Variants in SLC35F1 observed in about 807,000 individuals in gnomAD.
SLC35F1 encodes chromosome 6 open reading frame 169.
SLC35F1 carries 14 observed loss-of-function variants against 48.7 expected under a neutral mutation model. That is an observed-to-expected ratio of 0.29 (90% confidence interval 0.19 to 0.45). SLC35F1 has a LOEUF of 0.45. Ranked by LOEUF, SLC35F1 falls within the 20% of genes least tolerant of loss-of-function variation. SLC35F1 has a pLI of 1.00. For synonymous variants in SLC35F1, 190 were observed against 202.2 expected (o/e 0.94, Z 0.51); for missense variants, 404 against 500.0 (o/e 0.81, Z 1.83).
At chr6:118,001,036 A>G (rs2114867259) in intron 1 of SLC35F1, among the ~76,000 whole-genome samples, 2 of 152,206 alleles carry the variant, frequency 1.3e-5, no homozygotes, top group South Asian at 4.1e-4. Context: ...AAGGTAATTT[A>G]TAGATTCAAT....
chr6:118,218,332 C>G (rs1157803033), intron 2 of SLC35F1, among the ~76,000 whole-genome samples: 1 of 152,148 alleles, frequency 6.6e-6, no homozygotes, highest in East Asian at 1.9e-4. Flanking sequence ...AACCTTCAGG[C>G]ACCCTTCAGA....
At chr6:118,014,924 A>G (rs1009920002) in intron 1 of SLC35F1, among the ~76,000 whole-genome samples, 4 of 152,108 alleles carry the variant, frequency 2.6e-5, no homozygotes, top group Admixed American at 1.3e-4. Context: ...TCCCCACCCA[A>G]ATCTCATCTT....
At chr6:118,125,213 A>G (rs1773606258) in intron 1 of SLC35F1, among the ~76,000 whole-genome samples, 1 of 152,224 alleles carries the variant, frequency 6.6e-6, no homozygotes, top group African/African-American at 2.4e-5. Flanking sequence ...TTTTGCTTTC[A>G]GACTACTGAT....
intron 1 of SLC35F1, among the ~76,000 whole-genome samples, chr6:118,036,975 A>T (rs1384159906): frequency 6.6e-6 from 1 of 151,568 alleles, no homozygotes; most frequent in Non-Finnish European, 1.5e-5. Context: ...TTTGTAACAT[A>T]TATATTTGAG....
intron 1 of SLC35F1, among the ~76,000 whole-genome samples, chr6:118,036,161 C>A (rs1772129055): frequency 6.6e-6 from 1 of 152,050 alleles, no homozygotes; most frequent in Non-Finnish European, 1.5e-5. Flanking sequence ...TTACCTAATA[C>A]ATGTACATAA....
Position 117,949,029 on chromosome 6 carries a change from C to G in SLC35F1, c.173+41130C>G, listed in dbSNP as rs60966687. Among the ~76,000 whole-genome samples the G allele has an allele frequency of 4.4e-3, 665 of 152,190 alleles. 3 individuals carry two copies. Among genetic ancestry groups the G allele is most frequent in the African/African-American group, 0.016 (644 of 41,524 alleles). ...GGATCATGAAGGCCATTTTATGCCC[C>G]AAGCGGGGTGCTATTCATAATGCTT... is the stretch of plus-strand genomic sequence containing the variant. On this transcript the variant is annotated intron_variant, in intron 1 of 7. Transcript: ENST00000360388.
intron 1 of SLC35F1, among the ~76,000 whole-genome samples, chr6:118,118,162 CA>C (rs1328978994): frequency 2.0e-5 from 3 of 152,108 alleles, no homozygotes; most frequent in Non-Finnish European, 4.4e-5. Context: ...TCCTAAGTGT[CA>C]ATACCATCTT....
chr6:118,100,107 A>T (rs1313297535), intron 1 of SLC35F1, among the ~76,000 whole-genome samples: 1 of 152,178 alleles, frequency 6.6e-6, no homozygotes, highest in Non-Finnish European at 1.5e-5. Flanking sequence ...TGAAGCATAG[A>T]GAGTTTGAAT....
At chr6:118,205,127 C>T (rs1457261794) in intron 2 of SLC35F1, among the ~76,000 whole-genome samples, 4 of 152,174 alleles carry the variant, frequency 2.6e-5, no homozygotes, top group African/African-American at 4.8e-5. Flanking sequence ...CCCCATCCTC[C>T]GTCAAGTCAA....
At chr6:117,999,343 CA>C in intron 1 of SLC35F1, 2 of 1,591,086 alleles carry the variant, frequency 1.3e-6, no homozygotes, top group Non-Finnish European at 1.7e-6. Context: ...GGCCAAAGGC[CA>C]AGGCCAAGGC....
chr6:118,058,928 T>C (rs909803630), intron 1 of SLC35F1, among the ~76,000 whole-genome samples: 3 of 152,212 alleles, frequency 2.0e-5, no homozygotes, highest in Admixed American at 6.5e-5. Flanking sequence ...CTGAAATTTT[T>C]TGTGGGGCTT....
intron 7 of SLC35F1, among the ~76,000 whole-genome samples, chr6:118,297,999 G>GA (rs1776212945): frequency 6.6e-6 from 1 of 151,744 alleles, no homozygotes; most frequent in South Asian, 2.1e-4. Flanking sequence ...TTGTTTAAAA[G>GA]AATCTGGGAC....
rs1775969946 is a variant in SLC35F1, at chr6:117,923,763, G to GTA, written c.173+15864_173+15865insTA. 3.8e-3 allele frequency among the ~76,000 whole-genome samples: 68 copies of GTA among 18,072 alleles called. 8 individuals are homozygous for GTA. Among genetic ancestry groups the GTA allele is most frequent in the Non-Finnish European group, 5.3e-3 (56 of 10,542 alleles). The allele number at this position is 18,072 out of a possible 152,430, so 11.9% of individuals were successfully genotyped here. ...TACATATATGTACATATATACATAT[G>GTA]CACATACATATGTATATATACATAT... On this transcript the variant is annotated intron_variant, in intron 1 of 7. Coordinates refer to ENST00000360388, the MANE Select transcript of SLC35F1 (RefSeq NM_001029858.4).
At chr6:118,273,812 C>T (rs1775887341) in intron 4 of SLC35F1, among the ~76,000 whole-genome samples, 1 of 152,182 alleles carries the variant, frequency 6.6e-6, no homozygotes, top group South Asian at 2.1e-4. Context: ...ACTTCCAGCT[C>T]TCACAAAATC....
At chr6:117,994,517 C>T (rs1404034810) in intron 1 of SLC35F1, among the ~76,000 whole-genome samples, 2 of 152,200 alleles carry the variant, frequency 1.3e-5, no homozygotes, top group Admixed American at 1.3e-4. Context: ...TATTTCCAGA[C>T]TCTTCAAATC....
At chr6:118,061,586 G>GTATATATATATATATATA (rs780630752) in intron 1 of SLC35F1, among the ~76,000 whole-genome samples, 27 of 145,342 alleles carry the variant, frequency 1.9e-4, no homozygotes, top group African/African-American at 5.9e-4. Context: ...GTGTGTGTGT[G>GTATATATATATATATATA]TGTGTATATA....
intron 2 of SLC35F1, among the ~76,000 whole-genome samples, chr6:118,187,890 A>T (rs1774681041): frequency 6.6e-6 from 1 of 152,240 alleles, no homozygotes; most frequent in Non-Finnish European, 1.5e-5. Context: ...TTCAAAAATA[A>T]TGGCATAAAT....
intron 2 of SLC35F1, among the ~76,000 whole-genome samples, chr6:118,230,400 A>G (rs900200928): frequency 6.6e-6 from 1 of 152,194 alleles, no homozygotes; most frequent in Non-Finnish European, 1.5e-5. Flanking sequence ...TTGAAAAATT[A>G]GAACCAATTA....
intron 1 of SLC35F1, among the ~76,000 whole-genome samples, chr6:118,121,787 C>T (rs571456783): frequency 6.6e-6 from 1 of 152,242 alleles, no homozygotes; most frequent in South Asian, 2.1e-4. Flanking sequence ...CTCTCAGAGA[C>T]ATTAACTACA....
Sources: allele counts gnomAD v4.1 joint callset (sites outside exome capture counted in the v4.1 genomes callset), GRCh38; gene constraint gnomAD v4.1.1; transcripts MANE v1.5; gene names NCBI Gene and HGNC (gene_info 2026-07-23, HGNC 2026-07-21).